The following ZSWIM5 variants were observed in gnomAD, a reference collection of about 807,000 sequenced individuals.
ZSWIM5 encodes zinc finger SWIM-type containing 5, also known as zinc finger SWIM domain-containing protein 5.
ZSWIM5 carries 55 observed loss-of-function variants against 119.6 expected under a neutral mutation model. The observed-to-expected ratio is 0.46, with a 90% CI of 0.37 to 0.58. The LOEUF is 0.58. Ranked by LOEUF, ZSWIM5 falls within the 20% of genes least tolerant of loss-of-function variation. The pLI, the probability that ZSWIM5 is intolerant of heterozygous loss-of-function variation, is 0.00. For missense variants in ZSWIM5, 1,193 were observed against 1,512.8 expected (o/e 0.79, Z 3.51); for synonymous variants, 537 against 606.9 (o/e 0.88, Z 1.69).
intron 1 of ZSWIM5, among the ~76,000 whole-genome samples, chr1:45,193,955 T>TATATATATATATAC (rs1553202842): frequency 2.0e-5 from 3 of 151,780 alleles, no homozygotes; most frequent in Admixed American, 6.6e-5. Flanking sequence ...TATATATATA[T>TATATATATATATAC]ACATACATGC....
Position 45,092,569 on chromosome 1 carries a change from C to T in ZSWIM5, c.596-4332G>A, listed in dbSNP as rs117712887. Among the ~76,000 whole-genome samples, 552 of 124,836 alleles carry T rather than the reference C, an allele frequency of 4.4e-3. 18 individuals are homozygous for T. The East Asian group carries it at 0.058, about 13-fold the overall frequency. The allele number at this position is 124,836 out of a possible 152,430, so 81.9% of individuals were successfully genotyped here. ...CCCCCCCCGCCAGCCTTACAAAGTG[C>T]TAGGATTACAGGCGTGAGCCCCCGC... On this transcript the variant is annotated intron_variant, in intron 1 of 13. Transcript: ENST00000359600.
At chr1:45,102,610 TTAA>T (rs1194995484) in intron 1 of ZSWIM5, among the ~76,000 whole-genome samples, 1 of 152,200 alleles carries the variant, frequency 6.6e-6, no homozygotes, top group Non-Finnish European at 1.5e-5. Flanking sequence ...TGGTAAGGAC[TTAA>T]TAACTGACTG....
chr1:45,044,482 G>A (rs935743661), intron 5 of ZSWIM5, among the ~76,000 whole-genome samples: 1 of 150,668 alleles, frequency 6.6e-6, no homozygotes, highest in African/African-American at 2.4e-5. Flanking sequence ...CCAGAGCTTT[G>A]GGAGGCTGAG....
chr1:45,044,964 G>A (rs1645045532), intron 5 of ZSWIM5, among the ~76,000 whole-genome samples: 1 of 143,586 alleles, frequency 7.0e-6, no homozygotes, highest in African/African-American at 2.6e-5. Context: ...TCATGCCACT[G>A]GTCTCCAGCC....
chr1:45,020,040 G>A, intron 13 of ZSWIM5, 26 bp downstream of exon 13: 4 of 1,587,470 alleles, frequency 2.5e-6, no homozygotes, highest in Non-Finnish European at 3.4e-6. Context: ...CTTTCCCCTG[G>A]GGGTAGAGGG....
intron 2 of ZSWIM5, among the ~76,000 whole-genome samples, chr1:45,066,263 TA>T (rs2149002729): frequency 2.6e-5 from 4 of 152,290 alleles, no homozygotes; most frequent in African/African-American, 9.6e-5. Context: ...TTTTCATTTC[TA>T]AGACATTTTC....
intron 1 of ZSWIM5, among the ~76,000 whole-genome samples, chr1:45,202,746 A>T (rs975189654): frequency 5.3e-5 from 8 of 152,074 alleles, no homozygotes; most frequent in Non-Finnish European, 8.8e-5. Context: ...TTTTTCCTTC[A>T]ATCAATTCAG....
rs1237053379 is a variant in ZSWIM5 at position 45,057,297 on chromosome 1, C to A, written c.1252+1312G>T. On this transcript the variant is annotated intron_variant, in intron 4 of 13. Coordinates refer to ENST00000359600, the MANE Select transcript of ZSWIM5 (RefSeq NM_020883.2). The surrounding 1 kb of genome is among the most constrained non-coding windows in gnomAD (Gnocchi z 4.7). Reference sequence around the variant, plus strand: ...TGAGAACCACTGTCTTAGCAGAATGCTGAGGGTTTCTTGGATGGTAGGTAC... The same window carrying A: ...TGAGAACCACTGTCTTAGCAGAATGATGAGGGTTTCTTGGATGGTAGGTAC... 1.3e-5 allele frequency among the ~76,000 whole-genome samples: 2 copies of A among 152,230 alleles called. No homozygotes were observed. The highest frequency in any genetic ancestry group is 3.8e-4 in the East Asian group (2 of 5,202).
chr1:45,021,867 C>T (rs1406601133), intron 11 of ZSWIM5, among the ~76,000 whole-genome samples: 2 of 151,580 alleles, frequency 1.3e-5, no homozygotes, highest in East Asian at 3.9e-4. Context: ...TAAAAAAATA[C>T]AAAAATTAGC....
intron 1 of ZSWIM5, among the ~76,000 whole-genome samples, chr1:45,165,830 C>T (rs1645898422): frequency 1.3e-5 from 2 of 151,978 alleles, no homozygotes; most frequent in Admixed American, 6.6e-5. Flanking sequence ...AATTAATAGC[C>T]TACCAACCAA....
chr1:45,081,364 G>A (rs1181755261), intron 2 of ZSWIM5, among the ~76,000 whole-genome samples: 2 of 151,584 alleles, frequency 1.3e-5, no homozygotes, highest in African/African-American at 2.4e-5. Flanking sequence ...ACGCCAAGCC[G>A]AAGCTGGACT....
At chr1:45,054,663 TTATTAAA>T (rs141087325) in intron 4 of ZSWIM5, among the ~76,000 whole-genome samples, 41,375 of 151,756 alleles carry the variant, frequency 0.27, 6,973 homozygotes, top group Middle Eastern at 0.46. Context: ...TTTTACGTAA[TTATTAAA>T]TATTAAATAT....
intron 1 of ZSWIM5, among the ~76,000 whole-genome samples, chr1:45,119,951 A>T (rs1166861277): frequency 6.6e-6 from 1 of 152,158 alleles, no homozygotes; most frequent in East Asian, 1.9e-4. Context: ...ACTTTGCACA[A>T]CCATCCTTTC....
chr1:45,194,375 A>AT (rs1026650928), intron 1 of ZSWIM5, among the ~76,000 whole-genome samples: 9 of 152,076 alleles, frequency 5.9e-5, no homozygotes, highest in South Asian at 2.1e-4. Context: ...AGAAGCAACA[A>AT]TTTTTTTTAA....
intron 2 of ZSWIM5, among the ~76,000 whole-genome samples, chr1:45,085,528 G>GTTTTTTT (rs771375917): frequency 7.1e-5 from 8 of 112,718 alleles, no homozygotes; most frequent in African/African-American, 1.3e-4. Flanking sequence ...TAGTTTGTTT[G>GTTTTTTT]TTTTTTTTTT....
At chr1:45,064,235 A>G (rs1645169451) in intron 2 of ZSWIM5, among the ~76,000 whole-genome samples, 3 of 152,158 alleles carry the variant, frequency 2.0e-5, no homozygotes, top group South Asian at 4.1e-4. Flanking sequence ...AACATTCTAC[A>G]TAGTACTTTA....
At chr1:45,097,234 G>C (rs974467165) in intron 1 of ZSWIM5, among the ~76,000 whole-genome samples, 12 of 152,194 alleles carry the variant, frequency 7.9e-5, no homozygotes, top group Admixed American at 7.2e-4. Context: ...GCATGGGCTA[G>C]ACTCCACCTT....
At chr1:45,184,763 T>C (rs1323235271) in intron 1 of ZSWIM5, among the ~76,000 whole-genome samples, 1 of 151,980 alleles carries the variant, frequency 6.6e-6, no homozygotes, top group African/African-American at 2.4e-5. Context: ...TACAAACAAA[T>C]GGAAGAACAT....
chr1:45,175,664 C>G (rs1367029827), intron 1 of ZSWIM5, among the ~76,000 whole-genome samples: 2 of 151,686 alleles, frequency 1.3e-5, no homozygotes, highest in Admixed American at 1.3e-4. Flanking sequence ...GTTGCCCAGG[C>G]TGGTCTCAAA....
Sources: gnomAD v4.1 joint callset for allele counts (sites outside exome capture counted in the v4.1 genomes callset) on GRCh38, gnomAD v4.1.1 for gene constraint, Gnocchi (gnomAD v3.1) non-coding constraint, MANE v1.5 for transcripts, NCBI Gene and HGNC (gene_info 2026-07-23, HGNC 2026-07-21) for gene names.